Variants in CPA6 observed in about 807,000 individuals in gnomAD.
CPA6 encodes carboxypeptidase A6, also known as carboxypeptidase B.
CPA6 carries 58 observed loss-of-function variants against 63.3 expected under a neutral mutation model. That is an observed-to-expected ratio of 0.92 (90% CI 0.74 to 1.14). CPA6 has a LOEUF of 1.14. Among genes scored for constraint, CPA6 ranks in the 50% most tolerant of loss-of-function variants. The pLI is 0.00. For synonymous variants in CPA6, 185 were observed against 179.0 expected (o/e 1.03, Z -0.27); for missense variants, 565 against 526.6 (o/e 1.07, Z -0.71).
chr8:67,571,417 C>T (rs150653596), intron 2 of CPA6, among the ~76,000 whole-genome samples: 88 of 152,276 alleles, frequency 5.8e-4, no homozygotes, highest in Middle Eastern at 3.4e-3. Flanking sequence ...TTTAAGAACA[C>T]AGAGTACATT....
intron 1 of CPA6, among the ~76,000 whole-genome samples, chr8:67,698,123 G>A (rs932103024): frequency 1.3e-5 from 2 of 152,068 alleles, no homozygotes; most frequent in African/African-American, 4.8e-5. Context: ...AGAGCCCAAA[G>A]CATTATATTA....
chr8:67,601,946 C>G (rs1413454057), intron 2 of CPA6, among the ~76,000 whole-genome samples: 1 of 152,114 alleles, frequency 6.6e-6, no homozygotes, highest in Non-Finnish European at 1.5e-5. Context: ...TTTATAACAG[C>G]ATAAGATTTG....
chr8:67,561,611 C>G (rs556501544), intron 2 of CPA6, among the ~76,000 whole-genome samples: 4 of 152,092 alleles, frequency 2.6e-5, no homozygotes, highest in Non-Finnish European at 5.9e-5. Context: ...ACAACTTAAT[C>G]CTATTGTGTG....
Position 67,699,871 on chromosome 8 carries a change from G to A in CPA6, c.116+46143C>T, listed in dbSNP as rs1362655514. On this transcript the variant is annotated intron_variant, in intron 1 of 10. Transcript: ENST00000297770. ...CCCAGAGCGTTAGGATTACAGGCGT[G>A]AGCCACCACGCCCGGCCATGGTTTA... Among the ~76,000 whole-genome samples the A allele has an allele frequency of 2.0e-5, 3 of 152,308 alleles. No individual in the cohort carries two copies. The East Asian group carries it at 5.8e-4, about 29-fold the overall frequency.
At chr8:67,596,802 C>T (rs1200805728) in intron 2 of CPA6, among the ~76,000 whole-genome samples, 1 of 152,074 alleles carries the variant, frequency 6.6e-6, no homozygotes, top group Non-Finnish European at 1.5e-5. Flanking sequence ...TTAAACAGTG[C>T]CTTAGTCTTT....
At position 67,724,702 on chromosome 8, in the gene CPA6, T is replaced by C. The variant is rs892208078; in HGVS notation, c.116+21312A>G. ...CCTACATACAACTGACAGTAAGCCATTGGGCCCAGTTTCCCTTAAAACCAC... is the reference window on the plus strand; with the variant it reads ...CCTACATACAACTGACAGTAAGCCACTGGGCCCAGTTTCCCTTAAAACCAC... On this transcript the variant is annotated intron_variant, in intron 1 of 10. Transcript: ENST00000297770. Among the ~76,000 whole-genome samples, 5 of 152,330 alleles carry C rather than the reference T, an allele frequency of 3.3e-5. No individual in the cohort carries two copies. The East Asian group carries it at 7.7e-4, about 24-fold the overall frequency.
At chr8:67,573,674 C>T (rs562183341) in intron 2 of CPA6, among the ~76,000 whole-genome samples, 15 of 151,912 alleles carry the variant, frequency 9.9e-5, no homozygotes, top group African/African-American at 3.4e-4. Flanking sequence ...GGGCGGATCA[C>T]GAGGTCAGGA....
chr8:67,669,472 A>G (rs1368317147), intron 1 of CPA6, among the ~76,000 whole-genome samples: 2 of 152,246 alleles, frequency 1.3e-5, no homozygotes, highest in African/African-American at 4.8e-5. Flanking sequence ...CCCACCAGCA[A>G]GAGGTAAACA....
intron 1 of CPA6, among the ~76,000 whole-genome samples, chr8:67,686,761 G>A (rs981615521): frequency 6.6e-6 from 1 of 152,164 alleles, no homozygotes; most frequent in East Asian, 1.9e-4. Context: ...GTCAGCTAAG[G>A]AACAGATTTA....
At chr8:67,546,018 C>T (rs1202212430) in intron 2 of CPA6, among the ~76,000 whole-genome samples, 1 of 152,132 alleles carries the variant, frequency 6.6e-6, no homozygotes, top group Non-Finnish European at 1.5e-5. Flanking sequence ...AGACTCATCC[C>T]CCTCTGCCTC....
At chr8:67,524,380 C>T (rs1472209059) in intron 2 of CPA6, among the ~76,000 whole-genome samples, 1 of 152,144 alleles carries the variant, frequency 6.6e-6, no homozygotes, top group African/African-American at 2.4e-5. Flanking sequence ...GATTTAGAGT[C>T]CAGAAGTCCA....
At chr8:67,500,666 G>A (rs1356326369) in intron 6 of CPA6, among the ~76,000 whole-genome samples, 4 of 150,016 alleles carry the variant, frequency 2.7e-5, no homozygotes, top group East Asian at 1.9e-4. Context: ...AAGTTTTATC[G>A]TTTTACATTT....
At chr8:67,567,370 A>G (rs1327081060) in intron 2 of CPA6, among the ~76,000 whole-genome samples, 1 of 152,232 alleles carries the variant, frequency 6.6e-6, no homozygotes, top group Non-Finnish European at 1.5e-5. Flanking sequence ...CCTACTTTGT[A>G]TTGAGCTACA....
At chr8:67,593,339 T>C (rs1448064534) in intron 2 of CPA6, among the ~76,000 whole-genome samples, 1 of 151,702 alleles carries the variant, frequency 6.6e-6, no homozygotes, top group African/African-American at 2.4e-5. Flanking sequence ...TGTGGTGTGG[T>C]GCTGAAAAAA....
chr8:67,630,036 C>T (rs556235805), intron 1 of CPA6, among the ~76,000 whole-genome samples: 5 of 151,508 alleles, frequency 3.3e-5, no homozygotes, highest in African/African-American at 4.8e-5. Context: ...ACCTGGGAGG[C>T]GGAACTTGTA....
intron 1 of CPA6, among the ~76,000 whole-genome samples, chr8:67,719,795 G>A (rs570753603): frequency 6.6e-6 from 1 of 152,228 alleles, no homozygotes; most frequent in South Asian, 2.1e-4. Context: ...ATGAGGTTTT[G>A]ATTCTGCGTG....
At chr8:67,665,681 A>T (rs1587685275) in intron 1 of CPA6, among the ~76,000 whole-genome samples, 1 of 152,154 alleles carries the variant, frequency 6.6e-6, no homozygotes, top group Middle Eastern at 3.4e-3. Context: ...TTTGTCCTAG[A>T]CCTTCCCATG....
At chr8:67,587,083 G>T (rs776838355) in intron 2 of CPA6, among the ~76,000 whole-genome samples, 1 of 152,222 alleles carries the variant, frequency 6.6e-6, no homozygotes, top group African/African-American at 2.4e-5. Flanking sequence ...TATTATGTTC[G>T]CTAGAGCGAA....
At chr8:67,694,586 G>T (rs997221368) in intron 1 of CPA6, among the ~76,000 whole-genome samples, 3 of 152,174 alleles carry the variant, frequency 2.0e-5, no homozygotes, top group Non-Finnish European at 4.4e-5. Flanking sequence ...TGAAGAAGTG[G>T]CTTAAATGCC....
Sources: gnomAD v4.1 joint callset for allele counts (sites outside exome capture counted in the v4.1 genomes callset) on GRCh38, gnomAD v4.1.1 for gene constraint, MANE v1.5 for transcripts, NCBI Gene and HGNC (gene_info 2026-07-23, HGNC 2026-07-21) for gene names.